The following DHX33 variants were observed in gnomAD, a reference collection of about 807,000 sequenced individuals.
DHX33 encodes the protein ATP-dependent RNA helicase DHX33.
In DHX33, 42 loss-of-function variants were observed where a neutral mutation model predicts 72.5. The observed-to-expected ratio is 0.58, with a 90% CI of 0.45 to 0.75. The LOEUF is 0.75. Among genes scored for constraint, DHX33 ranks in the 30% least tolerant of loss-of-function variants. The probability of loss-of-function intolerance (pLI) is 0.00; values close to 1 mark genes in which losing one functional copy is unlikely to be tolerated. For synonymous variants in DHX33, 358 were observed against 366.1 expected, an observed-to-expected ratio of 0.98 and a Z score of 0.25; for missense variants, 842 against 917.5, an observed-to-expected ratio of 0.92 and a Z score of 1.06.
rs1298268040 is a variant in DHX33, at chr17:5,444,529, G to T, written c.1816-16C>A. ...GCATTGACATCTGTTTCGGGAGAAAGCGAGGAATGGAGCCGACCCCACACG... is the reference window on the plus strand; with the variant it reads ...GCATTGACATCTGTTTCGGGAGAAATCGAGGAATGGAGCCGACCCCACACG... On this transcript the variant is annotated splice_polypyrimidine_tract_variant and intron_variant, in intron 11 of 11. Coordinates refer to ENST00000225296, the MANE Select transcript of DHX33 (RefSeq NM_020162.4). The surrounding 1 kb of genome is among the most constrained non-coding windows in gnomAD (Gnocchi z 4.9). The T allele has an allele frequency of 1.2e-6, 2 of 1,609,326 alleles. No homozygotes were observed. The highest frequency in any genetic ancestry group is 1.7e-6 in the Non-Finnish European group (2 of 1,177,286).
At chr17:5,465,020 C>T (rs1395332951) in intron 1 of DHX33, among the ~76,000 whole-genome samples, 1 of 152,224 alleles carries the variant, frequency 6.6e-6, no homozygotes, top group Non-Finnish European at 1.5e-5. Context: ...TGTCCGTCCT[C>T]CTCCAACACC....
At chr17:5,446,871 T>A (rs922579724) in intron 11 of DHX33, among the ~76,000 whole-genome samples, 1 of 152,210 alleles carries the variant, frequency 6.6e-6, no homozygotes, top group African/African-American at 2.4e-5. Context: ...GGCAGGAAAC[T>A]GTTCAAATAC....
chr17:5,459,995 G>A (rs1904506370), intron 4 of DHX33, among the ~76,000 whole-genome samples: 1 of 145,424 alleles, frequency 6.9e-6, no homozygotes. Context: ...TAGCGTACGG[G>A]GTTGCAAAAG....
chr17:5,449,012 G>A, intron 10 of DHX33, 117 bp from the exon 11 acceptor site: 1 of 639,578 alleles, frequency 1.6e-6, no homozygotes, highest in Middle Eastern at 3.1e-4. Flanking sequence ...ATAGCTCACT[G>A]CAAACCAATC....
chr17:5,465,842 T>A (rs781423304), intron 1 of DHX33, among the ~76,000 whole-genome samples: 2 of 152,290 alleles, frequency 1.3e-5, no homozygotes, highest in Non-Finnish European at 2.9e-5. Flanking sequence ...CCTGAACCTG[T>A]CTCACAGAAG....
chr17:5,461,549 C>G (rs184928560), intron 3 of DHX33, among the ~76,000 whole-genome samples: 3 of 149,652 alleles, frequency 2.0e-5, no homozygotes, highest in African/African-American at 7.4e-5. Flanking sequence ...ACCTGGGAGG[C>G]GGAGCTTGCA....
Position 5,441,012 on chromosome 17 carries a change from C to G in DHX33, c.*3193G>C, listed in dbSNP as rs1321775441. The G allele has an allele frequency of 6.6e-6, 1 of 151,940 alleles. No homozygotes were observed. Among genetic ancestry groups the G allele is most frequent in the Admixed American group, 6.6e-5 (1 of 15,260 alleles). 9.4% of individuals were successfully genotyped at this position (151,940 alleles called of 1,614,324 possible). ...AGAGTTATTTCTGTTCAAATAAAAC[C>G]AGACTCTCAAAATACAACATAAGCC... On this transcript the variant is annotated 3_prime_UTR_variant, in exon 12 of 12. Coordinates refer to ENST00000225296, the MANE Select transcript of DHX33 (RefSeq NM_020162.4).
chr17:5,468,557 GCGCGGCCACTCACCGATGAGGA>G lies in DHX33; in HGVS notation c.281_289+13del. On this transcript the variant is annotated splice_donor_variant and splice_donor_5th_base_variant and coding_sequence_variant and intron_variant, in exon 1 of 12. Transcript: ENST00000225296. LOFTEE classifies it high-confidence loss of function. The stretch of plus-strand genomic sequence containing the variant: ...ACGAAGTGCAAGGAAGAGCCCGCCG[GCGCGGCCACTCACCGATGAGGA>G]CCGCGTTGTCCAGGTTTCGGAGCTG... The G allele has an allele frequency of 6.2e-7, 1 of 1,602,552 alleles. No individual in the cohort carries two copies. The highest frequency in any genetic ancestry group is 8.5e-7 in the Non-Finnish European group (1 of 1,175,210).
At chr17:5,445,047 G>A (rs1916595666) in intron 11 of DHX33, among the ~76,000 whole-genome samples, 1 of 151,688 alleles carries the variant, frequency 6.6e-6, no homozygotes, top group South Asian at 2.1e-4. Context: ...TGAGCTGCTC[G>A]CCTGTCTTTC....
rs1053657707 is a variant in DHX33 at position 5,468,819 on chromosome 17, C to G, written c.41G>C (p.Arg14Pro). Residue 14 changes from arginine (R) to proline (P), a missense_variant, in exon 1 of 12, where the codon CGG becomes CCG. Arg to Pro is a moderately radical substitution (Grantham distance 103, BLOSUM62 -2). Transcript: ENST00000225296. The part of the protein sequence containing the change: ...EAGFPPAKRF[R>P]PGSGPPSRAG... ...GCGGCTCGGAGGTCCAGAGCCTGGC[C>G]GGAATCTCTTGGCCGGCGGGAAGCC... 2 of 1,581,506 alleles carry G rather than the reference C, an allele frequency of 1.3e-6. No homozygotes were observed. Among genetic ancestry groups the G allele is most frequent in the Non-Finnish European group, 1.7e-6 (2 of 1,164,450 alleles).
At chr17:5,455,508 C>A (rs527680872) in intron 5 of DHX33, among the ~76,000 whole-genome samples, 25 of 152,316 alleles carry the variant, frequency 1.6e-4, no homozygotes, top group South Asian at 1.2e-3. Context: ...GCACAGGAAT[C>A]AGAAGCAAGT....
rs1260778594 is a variant in DHX33, at chr17:5,444,815, T to TA, written c.1816-303dup. ...CAGGTTGGGTGACCCACCCCTCACCTAAATTCCATCAGGACGGCCCGGAAA... is the reference window on the plus strand; with the variant it reads ...CAGGTTGGGTGACCCACCCCTCACCTAAAATTCCATCAGGACGGCCCGGAAA... On this transcript the variant is annotated intron_variant, in intron 11 of 11. Transcript: ENST00000225296. The surrounding 1 kb of genome is among the most constrained non-coding windows in gnomAD (Gnocchi z 4.9). 1.3e-5 allele frequency among the ~76,000 whole-genome samples: 2 copies of TA among 151,900 alleles called. No homozygotes were observed. The highest frequency in any genetic ancestry group is 2.9e-5 in the Non-Finnish European group (2 of 67,932).
Position 5,455,943 on chromosome 17 carries a change from T to C in DHX33, c.1035+54A>G, listed in dbSNP as rs1431615418. 1.2e-5 allele frequency: 18 copies of C among 1,554,898 alleles called. No individual in the cohort carries two copies. In the Admixed American group the frequency reaches 3.4e-4, roughly 29 times the overall value. ...TGGTAACAGGTACAGACCTCGCTGG[T>C]GGATCCGTCTGGGTGCCCAGAATAG... On this transcript the variant is annotated intron_variant, in intron 5 of 11. Coordinates refer to ENST00000225296, the MANE Select transcript of DHX33 (RefSeq NM_020162.4).
chr17:5,455,367 T>C (rs1917144312), intron 5 of DHX33, 96 bp from the exon 6 acceptor site: 1 of 993,230 alleles, frequency 1.0e-6, no homozygotes, highest in Non-Finnish European at 1.6e-6. Flanking sequence ...CAATTCACTC[T>C]TGACCAACAG....
At chr17:5,457,562 G>A (rs1267719101) in intron 4 of DHX33, among the ~76,000 whole-genome samples, 3 of 143,016 alleles carry the variant, frequency 2.1e-5, no homozygotes, top group Non-Finnish European at 3.0e-5. Flanking sequence ...AGCCGAGCTC[G>A]TGTCACTGCA....
chr17:5,463,439 G>T, intron 2 of DHX33, 90 bp downstream of exon 2: 1 of 1,342,590 alleles, frequency 7.4e-7, no homozygotes. Context: ...CTATGTAAAA[G>T]GAGTCTTGTT....
chr17:5,457,090 T>G (rs1272066952), intron 4 of DHX33, among the ~76,000 whole-genome samples: 1 of 152,232 alleles, frequency 6.6e-6, no homozygotes, highest in Non-Finnish European at 1.5e-5. Flanking sequence ...CCAGATCACC[T>G]GAGGTCAGGA....
At position 5,449,598 on chromosome 17, in the gene DHX33, G is replaced by A. The variant is rs140771641; in HGVS notation, c.1728+605C>T. ...ATTACAGGTATGCACAACCACGCCC[G>A]GCTAATTCTTGTATTTTTAGTAGAG... On this transcript the variant is annotated intron_variant, in intron 10 of 11. Transcript: ENST00000225296. Among the ~76,000 whole-genome samples, 548 of 152,186 alleles carry A rather than the reference G, an allele frequency of 3.6e-3. 3 individuals carry two copies. The highest frequency in any genetic ancestry group is 0.013 in the African/African-American group (521 of 41,512).
rs147204614 is a variant in DHX33, at chr17:5,461,046, C to T, written c.742G>A (p.Val248Ile). The T allele has an allele frequency of 1.9e-5, 31 of 1,611,892 alleles. No individual in the cohort carries two copies. In the South Asian group the frequency reaches 2.2e-4, roughly 11 times the overall value. Residue 248 changes from valine (V) to isoleucine (I), a missense_variant, in exon 4 of 12, where the codon GTC becomes ATC. Physicochemically the swap from Val to Ile is conservative, Grantham distance 29. Transcript: ENST00000225296. ...TGCTGCCGACCCTCTAGGTAGAGGA[C>T]GGGGGCGCCATTGAAATACTGAGAG... ...LFSQYFNGAP[V>I]LYLEGRQHPI...
Sources: gnomAD v4.1 joint callset for allele counts (sites outside exome capture counted in the v4.1 genomes callset) on GRCh38, gnomAD v4.1.1 for gene constraint, Gnocchi (gnomAD v3.1) non-coding constraint, MANE v1.5 for transcripts, NCBI Gene and HGNC (gene_info 2026-07-23, HGNC 2026-07-21) for gene names.